The following ZNF469 variants were observed in gnomAD, a reference collection of about 807,000 sequenced individuals.
The protein encoded by ZNF469 is zinc finger protein 469.
In ZNF469, 1 loss-of-function variant was observed where a neutral mutation model predicts 1.0. That is an observed-to-expected ratio of 1.00 (90% CI 0.35 to 4.73). The LOEUF (loss-of-function observed/expected upper bound fraction) is 4.73, where lower values mean the gene tolerates loss of function less well. Among genes scored for constraint, ZNF469 ranks in the 30% most tolerant of loss-of-function variants. ZNF469 has a pLI of 0.16. For missense variants in ZNF469, 6,100 were observed against 5,356.3 expected, an observed-to-expected ratio of 1.14 and a Z score of -4.33; for synonymous variants, 2,703 against 2,363.4, an observed-to-expected ratio of 1.14 and a Z score of -4.17.
Position 88,438,282 on chromosome 16 carries a change from G to A in ZNF469, c.10812G>A (p.Pro3604=), listed in dbSNP as rs897455659. ...CTCTGGGGGCATCTCTGCCGCGGCC[G>A]GGAGCCAGAGGCCAAGATGCGGAGG... ...ALPLGASLPR[P]GARGQDAEGK... is the part of the protein sequence containing the mutation. Residue 3604 remains proline (P), a synonymous_variant, in exon 3 of 3, where the codon CCG becomes CCA. Transcript: ENST00000565624. The A allele has an allele frequency of 2.8e-5, 44 of 1,548,056 alleles. No homozygotes were observed. The highest frequency in any genetic ancestry group is 6.8e-5 in the African/African-American group (5 of 73,010).
At chr16:88,157,967 C>A in the ZNF469 span, among the ~76,000 whole-genome samples, 120,993 of 151,780 alleles carry the variant, frequency 0.8, 50,141 homozygotes, top group Non-Finnish European at 0.93. Flanking sequence ...GACCTGGATG[C>A]CACACGAGGC....
the ZNF469 span, among the ~76,000 whole-genome samples, chr16:88,240,422 C>G: frequency 1.3e-5 from 2 of 152,170 alleles, no homozygotes; most frequent in South Asian, 4.1e-4. Context: ...CTGACAGTTG[C>G]CCAGGGCTGC....
At chr16:88,277,101 C>T in the ZNF469 span, among the ~76,000 whole-genome samples, 40 of 144,390 alleles carry the variant, frequency 2.8e-4, no homozygotes, top group African/African-American at 9.9e-4. Flanking sequence ...TGTCAGTGCA[C>T]GGTTAGTGCT....
Position 88,439,015 on chromosome 16 carries a change from C to G in ZNF469, c.11545C>G (p.Arg3849Gly). The change falls in exon 3 of 3, where the codon CGG (arginine) becomes GGG (glycine). Residue 3849 changes from arginine (R) to glycine (G), a missense_variant. Physicochemically the swap from Arg to Gly is moderately radical, Grantham distance 125. Coordinates refer to ENST00000565624, the MANE Select transcript of ZNF469 (RefSeq NM_001367624.2). ...SAPDKPPRTP[R>G]KQATPSRVLP... is the part of the protein sequence containing the mutation. ...CCCTGACAAGCCCCCCCGGACCCCT[C>G]GGAAGCAGGCAACTCCCAGCCGCGT... 6.4e-7 allele frequency: 1 copy of G among 1,550,424 alleles called. No homozygotes were observed.
chr16:88,433,192 C>T lies in ZNF469; in HGVS notation c.5722C>T (p.Pro1908Ser). The T allele has an allele frequency of 6.5e-7, 1 of 1,550,368 alleles. No individual in the cohort carries two copies. The highest frequency in any genetic ancestry group is 2.0e-5 in the Admixed American group (1 of 51,012). ...LSPPIRQLQL[P>S]GPGVAKSKDG... ...CCCCCCCATACGTCAGCTCCAGCTC[C>T]CAGGGCCTGGAGTGGCTAAGAGTAA... The change falls in exon 3 of 3, where the codon CCA (proline) becomes TCA (serine). Residue 1908 changes from proline to serine, a missense_variant. Transcript: ENST00000565624.
At chr16:88,317,774 GAA>G in the ZNF469 span, among the ~76,000 whole-genome samples, 2 of 152,204 alleles carry the variant, frequency 1.3e-5, no homozygotes, top group East Asian at 3.9e-4. Flanking sequence ...GAACTTACAG[GAA>G]CCTTCCAGAA....
intron 1 of ZNF469, among the ~76,000 whole-genome samples, chr16:88,416,482 T>C (rs1905303800): frequency 1.3e-5 from 2 of 152,106 alleles, no homozygotes; most frequent in Admixed American, 1.3e-4. Context: ...GTTGTGATCT[T>C]AGTGGTGTGT....
the ZNF469 span, among the ~76,000 whole-genome samples, chr16:88,286,690 G>A: frequency 6.6e-6 from 1 of 152,248 alleles, no homozygotes; most frequent in East Asian, 1.9e-4. Context: ...GGCTCCCAAT[G>A]ACTGACAGGT....
At chr16:88,385,669 C>T (rs1397897169) in intron 1 of ZNF469, among the ~76,000 whole-genome samples, 1 of 151,388 alleles carries the variant, frequency 6.6e-6, no homozygotes, top group Non-Finnish European at 1.5e-5. Flanking sequence ...AATTCTGTTA[C>T]CCTGCCTGCC....
the ZNF469 span, among the ~76,000 whole-genome samples, chr16:88,114,268 GA>G: frequency 6.9e-6 from 1 of 144,960 alleles, no homozygotes; most frequent in African/African-American, 2.6e-5. Flanking sequence ...TGTCTCCGGG[GA>G]GAATGACAGG....
chr16:88,125,116 C>G, the ZNF469 span, among the ~76,000 whole-genome samples: 1 of 152,012 alleles, frequency 6.6e-6, no homozygotes, highest in South Asian at 2.1e-4. Context: ...TGTGCCAGCA[C>G]CATTTGTTGA....
Position 88,429,832 on chromosome 16 carries a change from G to A in ZNF469, c.2362G>A (p.Ala788Thr). The A allele has an allele frequency of 1.3e-6, 2 of 1,546,316 alleles. No individual in the cohort carries two copies. The highest frequency in any genetic ancestry group is 1.7e-6 in the Non-Finnish European group (2 of 1,144,236). ...CCCCAGAGTCCCTGCCGACGCACAC[G>A]CGGGCTTGCTCAGCCACGCGAAGAC... Reference protein sequence around the residue: ...AAPRVPADAHAGLLSHAKTFL... With the variant: ...AAPRVPADAHTGLLSHAKTFL... The change falls in exon 3 of 3, where the codon GCG becomes ACG. Residue 788 changes from alanine to threonine, a missense_variant. Physicochemically the swap from Ala to Thr is moderately conservative, Grantham distance 58 (BLOSUM62 0). Coordinates refer to ENST00000565624, the MANE Select transcript of ZNF469 (RefSeq NM_001367624.2).
At position 88,424,280 on chromosome 16, in the gene ZNF469, G is replaced by C. The variant is rs1452975259; in HGVS notation, c.-191-527G>C. Among the ~76,000 whole-genome samples, 1 of 152,222 alleles carries C rather than the reference G, an allele frequency of 6.6e-6. No individual in the cohort carries two copies. The highest frequency in any genetic ancestry group is 1.5e-5 in the Non-Finnish European group (1 of 68,046). On this transcript the variant is annotated intron_variant, in intron 1 of 2. Coordinates refer to ENST00000565624, the MANE Select transcript of ZNF469 (RefSeq NM_001367624.2). The surrounding 1 kb of genome is among the most constrained non-coding windows in gnomAD (Gnocchi z 4.3). ...AGGATATGTTGTTACATGAAAAAAA[G>C]GTCAGGTGCAGAACAGTGAGCGTAG...
At chr16:88,105,336 C>T in the ZNF469 span, among the ~76,000 whole-genome samples, 1 of 141,900 alleles carries the variant, frequency 7.0e-6, no homozygotes, top group African/African-American at 2.7e-5. Context: ...CAGAGTTTCG[C>T]TCTTGTTGCC....
the ZNF469 span, among the ~76,000 whole-genome samples, chr16:88,344,809 C>T: frequency 3.3e-5 from 5 of 152,320 alleles, no homozygotes; most frequent in East Asian, 5.8e-4. Context: ...GAGGCGAGAC[C>T]GGGTCGGAAC....
the ZNF469 span, among the ~76,000 whole-genome samples, chr16:88,273,078 T>C: frequency 6.6e-6 from 1 of 151,824 alleles, no homozygotes; most frequent in Non-Finnish European, 1.5e-5. Flanking sequence ...GGTGGATAAA[T>C]GGGTGGATGG....
chr16:88,272,087 A>G, the ZNF469 span, among the ~76,000 whole-genome samples: 3 of 150,734 alleles, frequency 2.0e-5, no homozygotes, highest in African/African-American at 7.4e-5. Context: ...AAATGGGTGG[A>G]TGGATGAATA....
chr16:88,352,554 C>A, the ZNF469 span, among the ~76,000 whole-genome samples: 1 of 152,238 alleles, frequency 6.6e-6, no homozygotes, highest in African/African-American at 2.4e-5. Context: ...CTGAAGCCCT[C>A]AGGCCTGTGT....
the ZNF469 span, among the ~76,000 whole-genome samples, chr16:88,126,941 T>A: frequency 6.6e-6 from 1 of 152,074 alleles, no homozygotes; most frequent in Non-Finnish European, 1.5e-5. Context: ...TGCCTCAGCC[T>A]CCCGAGTAGC....
Sources: allele counts gnomAD v4.1 joint callset (sites outside exome capture counted in the v4.1 genomes callset), GRCh38; gene constraint gnomAD v4.1.1; non-coding constraint Gnocchi (gnomAD v3.1); transcripts MANE v1.5; gene names NCBI Gene and HGNC (gene_info 2026-07-23, HGNC 2026-07-21).